The following SLC15A5 variants were observed in gnomAD, a reference collection of about 807,000 sequenced individuals.
SLC15A5 encodes Peptide/histidine transporter ENSP00000340402.
SLC15A5 carries 58 observed loss-of-function variants against 56.1 expected under a neutral mutation model. The ratio of observed to expected loss-of-function variants is 1.03; its 90% CI spans 0.84 to 1.29. SLC15A5 has a LOEUF of 1.29. SLC15A5 is among the 50% of genes most tolerant of loss of function. The pLI, the probability that SLC15A5 is intolerant of heterozygous loss-of-function variation, is 0.00. For missense variants in SLC15A5, 681 were observed against 672.1 expected, an observed-to-expected ratio of 1.01 and a Z score of -0.15; for synonymous variants, 264 against 250.5, an observed-to-expected ratio of 1.05 and a Z score of -0.51.
Position 16,269,027 on chromosome 12 carries a change from T to G in SLC15A5, c.584+3534A>C, listed in dbSNP as rs1864722714. Among the ~76,000 whole-genome samples the G allele has an allele frequency of 6.6e-6, 1 of 151,488 alleles. No individual in the cohort carries two copies. The highest frequency in any genetic ancestry group is 2.1e-4 in the South Asian group (1 of 4,766). ...GAGCTCCTTTGCCCCTTCCACTATG[T>G]GAAGACACAGTGAGAAGCCAGCAGT... On this transcript the variant is annotated intron_variant, in intron 2 of 8. Transcript: ENST00000344941. This position sits in a 1 kb window ranked among gnomAD's most constrained non-coding sequence, Gnocchi z 4.7.
In SLC15A5 at chr12:16,271,395, A is replaced by G. The variant is rs1350319655; in HGVS notation, c.584+1166T>C. Among the ~76,000 whole-genome samples the G allele has an allele frequency of 6.6e-6, 1 of 152,196 alleles. No individual in the cohort carries two copies. Among genetic ancestry groups the G allele is most frequent in the Non-Finnish European group, 1.5e-5 (1 of 68,030 alleles). On this transcript the variant is annotated intron_variant, in intron 2 of 8. Coordinates refer to ENST00000344941, the MANE Select transcript of SLC15A5 (RefSeq NM_001170798.1). This position sits in a 1 kb window ranked among gnomAD's most constrained non-coding sequence, Gnocchi z 8.0. Reference sequence around the variant, plus strand: ...TTAAGGATTAAAACCTCCGAATAGAATAAAAAAGAAGGATTTTTCTTTCTC... The same window carrying G: ...TTAAGGATTAAAACCTCCGAATAGAGTAAAAAAGAAGGATTTTTCTTTCTC...
Position 16,267,278 on chromosome 12 carries a change from G to C in SLC15A5, c.584+5283C>G, listed in dbSNP as rs1864706782. Among the ~76,000 whole-genome samples the C allele has an allele frequency of 3.6e-5, 2 of 55,158 alleles. 1 individual carries two copies. Among genetic ancestry groups the C allele is most frequent in the South Asian group, 2.1e-3 (2 of 948 alleles). 36.2% of individuals were successfully genotyped at this position (55,158 alleles called of 152,430 possible). ...TTTCCAGGGGATTTGTGACTCTTCAGTGGGATAAAACTGAACTGTTTAGAG... is the reference window on the plus strand; with the variant it reads ...TTTCCAGGGGATTTGTGACTCTTCACTGGGATAAAACTGAACTGTTTAGAG... On this transcript the variant is annotated intron_variant, in intron 2 of 8. Transcript: ENST00000344941.
intron 7 of SLC15A5, among the ~76,000 whole-genome samples, chr12:16,199,299 T>C (rs61915891): frequency 0.29 from 27,686 of 95,786 alleles, 3,205 homozygotes; most frequent in Middle Eastern, 0.33. Context: ...ATGTGTAGAC[T>C]GTCTCAAAAA....
chr12:16,273,638 A>G (rs1864785796), intron 1 of SLC15A5, among the ~76,000 whole-genome samples: 1 of 152,026 alleles, frequency 6.6e-6, no homozygotes. Context: ...TTTTAAAGAA[A>G]TAAGTTCAGT....
chr12:16,201,421 T>C (rs1039428976), intron 7 of SLC15A5, among the ~76,000 whole-genome samples: 2 of 152,064 alleles, frequency 1.3e-5, no homozygotes, highest in Admixed American at 6.6e-5. Flanking sequence ...AGTCCAGAAA[T>C]AAATCTGTGC....
rs1163709739 is a variant in SLC15A5, at chr12:16,271,951, A to G, written c.584+610T>C. Reference sequence around the variant, plus strand: ...GTGTTGGGAGCGAACTGGGTGAGAAACAGAGATGCTGGGTGATGCTTTAAC... The same window carrying G: ...GTGTTGGGAGCGAACTGGGTGAGAAGCAGAGATGCTGGGTGATGCTTTAAC... On this transcript the variant is annotated intron_variant, in intron 2 of 8. Transcript: ENST00000344941. The surrounding 1 kb of genome is among the most constrained non-coding windows in gnomAD (Gnocchi z 8.0). 2.0e-5 allele frequency among the ~76,000 whole-genome samples: 3 copies of G among 152,218 alleles called. No individual in the cohort carries two copies. Among genetic ancestry groups the G allele is most frequent in the African/African-American group, 7.2e-5 (3 of 41,464 alleles).
chr12:16,257,660 A>G (rs1864590242), intron 3 of SLC15A5, 41 bp downstream of exon 3: 2 of 1,343,620 alleles, frequency 1.5e-6, no homozygotes, highest in South Asian at 1.9e-5. Flanking sequence ...TCAAGAAAAC[A>G]ATATAAACCC....
At chr12:16,252,800 T>A (rs908094689) in intron 3 of SLC15A5, among the ~76,000 whole-genome samples, 3 of 151,912 alleles carry the variant, frequency 2.0e-5, no homozygotes, top group Admixed American at 6.6e-5. Context: ...TAGAAAAAAA[T>A]TCCTGAAATT....
At chr12:16,203,059 G>A (rs1407026246) in intron 7 of SLC15A5, among the ~76,000 whole-genome samples, 1 of 152,034 alleles carries the variant, frequency 6.6e-6, no homozygotes, top group African/African-American at 2.4e-5. Context: ...CTATTATACA[G>A]CATGGTGACT....
At chr12:16,217,983 G>T (rs1372126114) in intron 6 of SLC15A5, among the ~76,000 whole-genome samples, 2 of 152,064 alleles carry the variant, frequency 1.3e-5, no homozygotes, top group Non-Finnish European at 2.9e-5. Flanking sequence ...ATGAGATTTT[G>T]TACGTGCCAT....
chr12:16,248,561 A>G (rs11056837), intron 3 of SLC15A5, among the ~76,000 whole-genome samples: 68,530 of 151,906 alleles, frequency 0.45, 15,679 homozygotes, highest in South Asian at 0.62. Context: ...AAAAGGAACT[A>G]TACAATAATC....
chr12:16,209,156 A>T (rs1048636956), intron 7 of SLC15A5, among the ~76,000 whole-genome samples: 6 of 151,572 alleles, frequency 4.0e-5, no homozygotes, highest in Admixed American at 2.6e-4. Context: ...TCCATTCTTC[A>T]TCCTACTTGA....
chr12:16,238,811 T>C (rs1864380395), intron 5 of SLC15A5, among the ~76,000 whole-genome samples: 1 of 152,164 alleles, frequency 6.6e-6, no homozygotes, highest in Non-Finnish European at 1.5e-5. Context: ...CACCAAACAA[T>C]TAAATGTGTC....
intron 3 of SLC15A5, among the ~76,000 whole-genome samples, chr12:16,251,296 C>T (rs188968225): frequency 6.6e-6 from 1 of 151,516 alleles, no homozygotes; most frequent in Admixed American, 6.6e-5. Flanking sequence ...AGAGAAAGAA[C>T]AAACAACACA....
intron 8 of SLC15A5, among the ~76,000 whole-genome samples, chr12:16,193,468 C>G (rs535880644): frequency 2.0e-5 from 3 of 152,068 alleles, no homozygotes; most frequent in African/African-American, 7.2e-5. Flanking sequence ...TATGACACCA[C>G]CTATCACATG....
chr12:16,260,050 C>G (rs1041915195), intron 2 of SLC15A5, among the ~76,000 whole-genome samples: 1 of 152,262 alleles, frequency 6.6e-6, no homozygotes, highest in East Asian at 1.9e-4. Context: ...AAGTCTTGCT[C>G]ATGTCTGCTG....
rs2136256352 is a variant in SLC15A5, at chr12:16,237,085, A to G, written c.1162+2596T>C. On this transcript the variant is annotated intron_variant, in intron 5 of 8. Transcript: ENST00000344941. This position sits in a 1 kb window ranked among gnomAD's most constrained non-coding sequence, Gnocchi z 4.1. ...ACAAATATATGTTCATTCATAATTC[A>G]TATACCTATATACTTCACCCACATT... 6.6e-6 allele frequency among the ~76,000 whole-genome samples: 1 copy of G among 152,272 alleles called. No homozygotes were observed. The highest frequency in any genetic ancestry group is 1.9e-4 in the East Asian group (1 of 5,178).
intron 6 of SLC15A5, among the ~76,000 whole-genome samples, chr12:16,222,962 C>T (rs941735542): frequency 1.1e-4 from 17 of 151,908 alleles, no homozygotes; most frequent in African/African-American, 3.9e-4. Context: ...AGTGAGGTCC[C>T]CAGTTTAAAA....
At chr12:16,246,939 G>C (rs930213410) in intron 3 of SLC15A5, among the ~76,000 whole-genome samples, 1 of 151,982 alleles carries the variant, frequency 6.6e-6, no homozygotes, top group Non-Finnish European at 1.5e-5. Context: ...CTCAACTATC[G>C]TGGTCAATTC....
Sources: gnomAD v4.1 joint callset for allele counts (sites outside exome capture counted in the v4.1 genomes callset) on GRCh38, gnomAD v4.1.1 for gene constraint, Gnocchi (gnomAD v3.1) non-coding constraint, MANE v1.5 for transcripts, NCBI Gene and HGNC (gene_info 2026-07-23, HGNC 2026-07-21) for gene names.